Variants in GLI3 observed in about 807,000 individuals in gnomAD.
The protein encoded by GLI3 is GLI family zinc finger 3.
A neutral mutation model predicts 100.8 loss-of-function variants in GLI3; 20 were observed. The observed-to-expected ratio is 0.20, with a 90% confidence interval of 0.14 to 0.29. The LOEUF is 0.29. Among genes scored for constraint, GLI3 ranks in the 10% least tolerant of loss-of-function variants. The pLI is 1.00. For synonymous variants in GLI3, 938 were observed against 860.5 expected, an observed-to-expected ratio of 1.09 and a Z score of -1.58; for missense variants, 2,040 against 2,128.5, an observed-to-expected ratio of 0.96 and a Z score of 0.82.
Position 41,961,141 on chromosome 7 carries a change from G to A in GLI3, c.*3189C>T, listed in dbSNP as rs1787001504. On this transcript the variant is annotated 3_prime_UTR_variant, in exon 15 of 15. Coordinates refer to ENST00000395925, the MANE Select transcript of GLI3 (RefSeq NM_000168.6). Reference sequence around the variant, plus strand: ...ACGCCTGGGCCAGTCACATCTGAACGCTATGCCTACAATACTTAAATGTAT... The same window carrying A: ...ACGCCTGGGCCAGTCACATCTGAACACTATGCCTACAATACTTAAATGTAT... The A allele has an allele frequency of 6.6e-6, 1 of 152,510 alleles. No homozygotes were observed. The highest frequency in any genetic ancestry group is 2.4e-5 in the African/African-American group (1 of 41,386). 9.4% of individuals were successfully genotyped at this position (152,510 alleles called of 1,614,324 possible).
intron 2 of GLI3, among the ~76,000 whole-genome samples, chr7:42,167,239 A>C (rs990110162): frequency 6.6e-6 from 1 of 152,200 alleles, no homozygotes; most frequent in Non-Finnish European, 1.5e-5. Context: ...CAAAATGCTA[A>C]GGACAGTAAG....
chr7:41,998,065 T>C (rs1232558472), intron 10 of GLI3, among the ~76,000 whole-genome samples: 2 of 152,176 alleles, frequency 1.3e-5, no homozygotes, highest in African/African-American at 2.4e-5. Context: ...GAATTAGGAA[T>C]TCTTTTTGGT....
chr7:42,255,973 G>T (rs566753665), intron 1 of GLI3, among the ~76,000 whole-genome samples: 1 of 152,204 alleles, frequency 6.6e-6, no homozygotes, highest in South Asian at 2.1e-4. Context: ...ACCCACACTT[G>T]GTGTTCACTT....
At chr7:42,182,039 T>C (rs1381680634) in intron 2 of GLI3, among the ~76,000 whole-genome samples, 128 of 152,246 alleles carry the variant, frequency 8.4e-4, no homozygotes, top group Non-Finnish European at 2.9e-5. Context: ...CTTTCTCTCC[T>C]AGGTTCCTGG....
intron 4 of GLI3, among the ~76,000 whole-genome samples, chr7:42,074,766 A>G (rs955988255): frequency 6.6e-6 from 1 of 152,212 alleles, no homozygotes; most frequent in African/African-American, 2.4e-5. Flanking sequence ...CAGCAATGAT[A>G]TTCCCTCTCA....
chr7:42,055,175 A>G (rs1365113769), intron 4 of GLI3, among the ~76,000 whole-genome samples: 4 of 151,762 alleles, frequency 2.6e-5, no homozygotes, highest in Non-Finnish European at 1.5e-5. Flanking sequence ...ACAAATATCT[A>G]AAATGTTCAA....
chr7:42,236,467 G>A (rs906907897), intron 1 of GLI3, among the ~76,000 whole-genome samples: 1 of 151,968 alleles, frequency 6.6e-6, no homozygotes, highest in Admixed American at 6.6e-5. Context: ...AGCATAGCCC[G>A]GGCTGGAGAA....
intron 2 of GLI3, chr7:42,151,762 A>G (rs1157213751): frequency 2.0e-5 from 3 of 152,168 alleles, no homozygotes; most frequent in Admixed American, 2.0e-4. Flanking sequence ...TTTCATATCC[A>G]TGCTCAAGTG....
At chr7:41,980,769 G>A (rs779338057) in intron 10 of GLI3, among the ~76,000 whole-genome samples, 1 of 152,152 alleles carries the variant, frequency 6.6e-6, no homozygotes, top group Non-Finnish European at 1.5e-5. Context: ...TGTCTTATTA[G>A]TTCCCTGTTC....
intron 10 of GLI3, among the ~76,000 whole-genome samples, chr7:41,982,815 C>G (rs1289221597): frequency 6.6e-6 from 1 of 152,102 alleles, no homozygotes; most frequent in Admixed American, 6.5e-5. Context: ...GCATTCCAGA[C>G]AATTTCTGAT....
chr7:42,082,985 A>C (rs1785028455), intron 3 of GLI3, among the ~76,000 whole-genome samples: 1 of 152,180 alleles, frequency 6.6e-6, no homozygotes, highest in African/African-American at 2.4e-5. Flanking sequence ...AACACATAAC[A>C]AGCATATCAG....
At chr7:42,202,638 A>G (rs185608758) in intron 2 of GLI3, among the ~76,000 whole-genome samples, 1 of 152,322 alleles carries the variant, frequency 6.6e-6, no homozygotes, top group African/African-American at 2.4e-5. Context: ...AAGTGCCCTC[A>G]CAAGCATGCA....
At chr7:42,136,410 T>C (rs1336424866) in intron 3 of GLI3, among the ~76,000 whole-genome samples, 1 of 152,166 alleles carries the variant, frequency 6.6e-6, no homozygotes. Context: ...ATTCAAGTGC[T>C]AAATGAGTTT....
In GLI3 at chr7:41,964,770, T is replaced by C; in HGVS notation, c.4303A>G (p.Asn1435Asp). The change falls in exon 15 of 15, where the codon AAT becomes GAT. Residue 1435 changes from asparagine to aspartate, a missense_variant. Transcript: ENST00000395925. ...MKGQPHPLCS[N>D]LQNYSGQFYD... ...AACTGACCAGAGTAATTCTGCAGAT[T>C]AGAGCACAGCGGATGGGGCTGCCCT... is the stretch of plus-strand genomic sequence containing the variant. The C allele has an allele frequency of 6.2e-7, 1 of 1,614,000 alleles. No homozygotes were observed. Among genetic ancestry groups the C allele is most frequent in the Non-Finnish European group, 8.5e-7 (1 of 1,179,878 alleles).
intron 10 of GLI3, among the ~76,000 whole-genome samples, chr7:41,991,375 G>A (rs1787983256): frequency 6.6e-6 from 1 of 152,136 alleles, no homozygotes; most frequent in Non-Finnish European, 1.5e-5. Context: ...TTTTCAACCT[G>A]TAGAAGTATC....
chr7:41,975,126 T>C (rs1787477098), intron 12 of GLI3, among the ~76,000 whole-genome samples: 1 of 152,180 alleles, frequency 6.6e-6, no homozygotes, highest in Non-Finnish European at 1.5e-5. Context: ...AGCTGTCTGA[T>C]CTGGAGTAAG....
At chr7:42,121,137 C>T (rs907012663) in intron 3 of GLI3, among the ~76,000 whole-genome samples, 1 of 152,218 alleles carries the variant, frequency 6.6e-6, no homozygotes, top group Non-Finnish European at 1.5e-5. Flanking sequence ...TGAATCACAC[C>T]TCCCCACCTG....
Position 42,025,288 on chromosome 7 carries a change from G to T in GLI3, c.1332C>A (p.Pro444=). 1 of 1,613,124 alleles carries T rather than the reference G, an allele frequency of 6.2e-7. No homozygotes were observed. The highest frequency in any genetic ancestry group is 1.1e-5 in the South Asian group (1 of 91,042). ...CCTGCTGCCCCCGAGCCCCTGGGCT[G>T]GGGAGGTCTTCATCGGGTTTGATCT... is the stretch of plus-strand genomic sequence containing the variant. The part of the protein sequence containing the change: ...RSKIKPDEDL[P]SPGARGQQEQ... Residue 444 remains proline, a synonymous_variant, in exon 9 of 15, where the codon CCC becomes CCA. Transcript: ENST00000395925.
intron 3 of GLI3, among the ~76,000 whole-genome samples, chr7:42,134,608 G>A (rs887403412): frequency 6.6e-6 from 1 of 152,086 alleles, no homozygotes; most frequent in African/African-American, 2.4e-5. Flanking sequence ...GATAAATCAG[G>A]TATGAGGCAG....
Sources: allele counts gnomAD v4.1 joint callset (sites outside exome capture counted in the v4.1 genomes callset), GRCh38; gene constraint gnomAD v4.1.1; transcripts MANE v1.5; gene names NCBI Gene and HGNC (gene_info 2026-07-23, HGNC 2026-07-21).